The following PIK3C3 variants were observed in gnomAD, a reference collection of about 807,000 sequenced individuals.
The protein encoded by PIK3C3 is PI3-kinase type 3.
A neutral mutation model predicts 126.1 loss-of-function variants in PIK3C3; 95 were observed. The ratio of observed to expected loss-of-function variants is 0.75; its 90% CI spans 0.64 to 0.89. The LOEUF is 0.89. PIK3C3 is among the 40% of genes least tolerant of loss of function. The pLI, the probability that PIK3C3 is intolerant of heterozygous loss-of-function variation, is 0.00. For synonymous variants in PIK3C3, 374 were observed against 360.0 expected (o/e 1.04, Z -0.44); for missense variants, 829 against 1,063.2 (o/e 0.78, Z 3.06).
At chr18:41,990,380 T>G (rs1356571987) in intron 5 of PIK3C3, 79 bp from the exon 6 acceptor site, 1 of 805,866 alleles carries the variant, frequency 1.2e-6, no homozygotes, top group African/African-American at 1.7e-5. Context: ...ATTACTGAAT[T>G]AGGAAAAATG....
chr18:42,043,846 T>G, intron 20 of PIK3C3, 29 bp downstream of exon 20: 2 of 1,482,294 alleles, frequency 1.3e-6, no homozygotes, highest in South Asian at 1.1e-5. Context: ...TACTTTCCAT[T>G]GATCAGATAA....
rs559357337 is a variant in PIK3C3 at position 41,982,885 on chromosome 18, G to A, written c.532-4927G>A. Among the ~76,000 whole-genome samples, 5 of 152,218 alleles carry A rather than the reference G, an allele frequency of 3.3e-5. No homozygotes were observed. In the South Asian group the frequency reaches 1.0e-3, roughly 32 times the overall value. ...CTCAGAATTGTTCCAGGTTATTTAA[G>A]ATACTTCTACCACATAATTTGTAAA... On this transcript the variant is annotated intron_variant, in intron 4 of 24. Coordinates refer to ENST00000262039, the MANE Select transcript of PIK3C3 (RefSeq NM_002647.4).
intron 24 of PIK3C3, among the ~76,000 whole-genome samples, chr18:42,068,742 A>C (rs1985646286): frequency 6.6e-6 from 1 of 152,084 alleles, no homozygotes; most frequent in Admixed American, 6.6e-5. Context: ...CGAGATCAGG[A>C]GATCGAGACC....
intron 23 of PIK3C3, among the ~76,000 whole-genome samples, chr18:42,065,352 GA>G (rs1985492240): frequency 2.0e-5 from 3 of 152,016 alleles, no homozygotes; most frequent in Admixed American, 2.0e-4. Flanking sequence ...GCACCTAAGG[GA>G]AAATAAATGC....
intron 24 of PIK3C3, among the ~76,000 whole-genome samples, chr18:42,070,679 T>G (rs923282789): frequency 1.3e-5 from 2 of 152,088 alleles, no homozygotes; most frequent in Non-Finnish European, 2.9e-5. Flanking sequence ...TGATATAAAT[T>G]TAATATAATG....
intron 4 of PIK3C3, among the ~76,000 whole-genome samples, chr18:41,975,450 C>T (rs967849044): frequency 3.3e-5 from 5 of 152,004 alleles, no homozygotes; most frequent in South Asian, 2.1e-4. Context: ...ACATGTCGAA[C>T]GTTTCTATTA....
Position 42,024,813 on chromosome 18 carries a change from CT to C in PIK3C3, c.1485-2622del, listed in dbSNP as rs1275997485. On this transcript the variant is annotated intron_variant, in intron 13 of 24. Transcript: ENST00000262039. The stretch of plus-strand genomic sequence containing the variant: ...AACATATTTTTTTTCTTTTTTTTTT[CT>C]TTTTTTTGAGATGGAGTCTTGCTCT... 2.4e-3 allele frequency among the ~76,000 whole-genome samples: 330 copies of C among 140,002 alleles called. 2 individuals are homozygous for C. Among genetic ancestry groups the C allele is most frequent in the African/African-American group, 8.1e-3 (305 of 37,614 alleles). The allele number at this position is 140,002 out of a possible 152,430, so 91.8% of individuals were successfully genotyped here.
At position 42,080,067 on chromosome 18, in the gene PIK3C3, G is replaced by T. The variant is rs544823181; in HGVS notation, c.2650-1056G>T. On this transcript the variant is annotated intron_variant, in intron 24 of 24. Coordinates refer to ENST00000262039, the MANE Select transcript of PIK3C3 (RefSeq NM_002647.4). ...TATTAATTTGGTCCTCGGGCATTTT[G>T]TCTTAATTTGAGATCTCCCACAGAA... 2.0e-5 allele frequency among the ~76,000 whole-genome samples: 3 copies of T among 151,208 alleles called. No individual in the cohort carries two copies. In the South Asian group the frequency reaches 6.3e-4, roughly 32 times the overall value.
intron 15 of PIK3C3, among the ~76,000 whole-genome samples, chr18:42,031,035 T>C (rs1040485395): frequency 3.3e-5 from 5 of 152,188 alleles, no homozygotes; most frequent in Non-Finnish European, 5.9e-5. Flanking sequence ...CTAAAAATCT[T>C]TATAGGCATT....
In PIK3C3 at chr18:41,990,549, G is replaced by A; in HGVS notation, c.709G>A (p.Glu237Lys). 6.5e-7 allele frequency: 1 copy of A among 1,534,522 alleles called. No individual in the cohort carries two copies. The highest frequency in any genetic ancestry group is 9.0e-7 in the Non-Finnish European group (1 of 1,109,076). The change falls in exon 6 of 25, where the codon GAA becomes AAA. Residue 237 changes from glutamate (E) to lysine (K), a missense_variant. Coordinates refer to ENST00000262039, the MANE Select transcript of PIK3C3 (RefSeq NM_002647.4). ...TAAGGAATATGGTATTGTTTATTATGAAAAGGTATTTCCCTTGGAACTGTT... is the reference window on the plus strand; with the variant it reads ...TAAGGAATATGGTATTGTTTATTATAAAAAGGTATTTCCCTTGGAACTGTT... ...DDKEYGIVYY[E>K]KDGDESSPIL...
intron 24 of PIK3C3, among the ~76,000 whole-genome samples, chr18:42,079,106 T>C (rs2144540493): frequency 6.6e-6 from 1 of 152,358 alleles, no homozygotes; most frequent in South Asian, 2.1e-4. Flanking sequence ...AGTCTTAACT[T>C]TTGGCCTATC....
intron 13 of PIK3C3, among the ~76,000 whole-genome samples, chr18:42,022,342 G>A (rs1214431144): frequency 6.6e-6 from 1 of 151,976 alleles, no homozygotes; most frequent in African/African-American, 2.4e-5. Context: ...GTGTCCAAGT[G>A]TTCTCATTGT....
intron 16 of PIK3C3, among the ~76,000 whole-genome samples, chr18:42,035,075 C>G (rs546451983): frequency 1.3e-5 from 2 of 152,150 alleles, no homozygotes; most frequent in Non-Finnish European, 2.9e-5. Flanking sequence ...GGTTTTAAAA[C>G]TCTCTAACAG....
At chr18:42,046,261 C>G (rs1984553426) in intron 20 of PIK3C3, among the ~76,000 whole-genome samples, 3 of 152,056 alleles carry the variant, frequency 2.0e-5, no homozygotes, top group African/African-American at 7.2e-5. Context: ...TCCTGTATGA[C>G]AAAATAATCT....
At chr18:41,966,447 G>A (rs1980375277) in intron 3 of PIK3C3, among the ~76,000 whole-genome samples, 1 of 151,880 alleles carries the variant, frequency 6.6e-6, no homozygotes, top group African/African-American at 2.4e-5. Flanking sequence ...TGGGATTACA[G>A]GTATGAGCCA....
intron 20 of PIK3C3, 111 bp downstream of exon 20, chr18:42,043,928 A>T: frequency 3.0e-6 from 2 of 662,664 alleles, no homozygotes; most frequent in Non-Finnish European, 2.6e-6. Context: ...AATGCTCTAT[A>T]GGAAGAGTAA....
At chr18:42,075,246 C>A (rs1985931359) in intron 24 of PIK3C3, among the ~76,000 whole-genome samples, 2 of 151,956 alleles carry the variant, frequency 1.3e-5, no homozygotes, top group Admixed American at 6.6e-5. Flanking sequence ...TTTCAGTGAA[C>A]AAAACAAAAA....
intron 23 of PIK3C3, among the ~76,000 whole-genome samples, chr18:42,066,250 A>T (rs920553959): frequency 6.6e-6 from 1 of 152,098 alleles, no homozygotes; most frequent in African/African-American, 2.4e-5. Flanking sequence ...TGGCTCAAGC[A>T]CTCTCAGATC....
In PIK3C3 at chr18:41,996,670, T is replaced by C; in HGVS notation, c.924T>C (p.Leu308=). The change falls in exon 9 of 25, where the codon CTT becomes CTC. Residue 308 remains leucine, a synonymous_variant. Transcript: ENST00000262039. ...IIVSYPPTKQ[L]TYEEQDLVWK... ...TGAGTTATCCACCAACCAAGCAACTTACATATGAAGAACAAGATCTTGTTT... is the reference window on the plus strand; with the variant it reads ...TGAGTTATCCACCAACCAAGCAACTCACATATGAAGAACAAGATCTTGTTT... 2 of 1,578,076 alleles carry C rather than the reference T, an allele frequency of 1.3e-6. No homozygotes were observed. Among genetic ancestry groups the C allele is most frequent in the South Asian group, 1.2e-5 (1 of 84,822 alleles).
Sources: gnomAD v4.1 joint callset for allele counts (sites outside exome capture counted in the v4.1 genomes callset) on GRCh38, gnomAD v4.1.1 for gene constraint, MANE v1.5 for transcripts, NCBI Gene and HGNC (gene_info 2026-07-23, HGNC 2026-07-21) for gene names.